EYS: variants seen among roughly 807,000 people sequenced by gnomAD.
EYS encodes the protein EGF-like photoreceptor maintenance factor.
In EYS, 250 loss-of-function variants were observed where a neutral mutation model predicts 282.1. That is an observed-to-expected ratio of 0.89 (90% CI 0.80 to 0.98). EYS has a LOEUF of 0.98. Ranked by LOEUF, EYS falls within the 50% of genes least tolerant of loss-of-function variation. The pLI is 0.00. For synonymous variants in EYS, 1,355 were observed against 1,282.9 expected (o/e 1.06, Z -1.20); for missense variants, 4,016 against 3,709.0 (o/e 1.08, Z -2.15).
chr6:65,530,137 C>A (rs1483790667), intron 2 of EYS, among the ~76,000 whole-genome samples: 3 of 152,008 alleles, frequency 2.0e-5, no homozygotes, highest in Non-Finnish European at 4.4e-5. Flanking sequence ...TATAAAGAAA[C>A]TAAGATTAAT....
Position 64,626,121 on chromosome 6 carries a change from C to A in EYS, c.3568G>T (p.Gly1190Ter). 6.6e-7 allele frequency: 1 copy of A among 1,522,758 alleles called. No homozygotes were observed. The highest frequency in any genetic ancestry group is 2.0e-5 in the Admixed American group (1 of 49,506). 94.3% of individuals were successfully genotyped at this position (1,522,758 alleles called of 1,614,324 possible). A position where few individuals can be genotyped will look rare whatever the true frequency, so the allele number is the denominator to read the frequency against. The change falls in exon 23 of 43, where the codon GGA becomes TGA. Residue 1190 changes from glycine to a stop codon, truncating the protein, a stop_gained and splice_region_variant. Coordinates refer to ENST00000503581, the MANE Select transcript of EYS (RefSeq NM_001142800.2). LOFTEE classifies it high-confidence loss of function. ...INGYVCKCQP[G>*]WSGHHCENEL... ...TGCTTATTATTTTTAAAATAATTAC[C>A]TGGTTGGCATTTGCAAACATATCCA...
intron 8 of EYS, among the ~76,000 whole-genome samples, chr6:65,372,801 A>G (rs1004617515): frequency 6.6e-5 from 10 of 152,062 alleles, no homozygotes; most frequent in African/African-American, 2.4e-4. Flanking sequence ...AAATAGAGAA[A>G]TTTAACTCAT....
intron 5 of EYS, among the ~76,000 whole-genome samples, chr6:65,485,224 G>A (rs1390622361): frequency 6.6e-6 from 1 of 152,160 alleles, no homozygotes; most frequent in Non-Finnish European, 1.5e-5. Flanking sequence ...ATTACTGACT[G>A]TATACAAACC....
intron 12 of EYS, among the ~76,000 whole-genome samples, chr6:65,192,239 T>G: frequency 6.6e-6 from 1 of 151,216 alleles, no homozygotes; most frequent in East Asian, 2.0e-4. Flanking sequence ...TGGATAGCAT[T>G]TCCCAGGATA....
intron 22 of EYS, among the ~76,000 whole-genome samples, chr6:64,632,499 A>G (rs1467061449): frequency 2.0e-5 from 3 of 152,106 alleles, no homozygotes; most frequent in African/African-American, 7.2e-5. Flanking sequence ...ATAAGAAACT[A>G]TAGTTCTGAG....
chr6:64,447,747 T>C (rs1040260678), intron 26 of EYS, among the ~76,000 whole-genome samples: 1 of 152,224 alleles, frequency 6.6e-6, no homozygotes, highest in Admixed American at 6.5e-5. Flanking sequence ...TGGCAGATTA[T>C]ATGAAAATAG....
chr6:65,243,429 C>T (rs1362698140), intron 12 of EYS, among the ~76,000 whole-genome samples: 1 of 152,060 alleles, frequency 6.6e-6, no homozygotes, highest in African/African-American at 2.4e-5. Context: ...GGTGAAGGAA[C>T]TTCTTTGCTT....
chr6:65,664,549 G>A (rs1391386378), intron 1 of EYS, among the ~76,000 whole-genome samples: 2 of 152,128 alleles, frequency 1.3e-5, no homozygotes, highest in African/African-American at 4.8e-5. Context: ...TAATTTGATA[G>A]AGAAAAGAAG....
intron 30 of EYS, among the ~76,000 whole-genome samples, chr6:64,279,406 T>C (rs1768227022): frequency 6.9e-6 from 1 of 144,614 alleles, no homozygotes; most frequent in Non-Finnish European, 1.5e-5. Context: ...AGAAAATTTA[T>C]AGTCAGGGTT....
At chr6:64,920,453 T>TTGA (rs1485026921) in intron 15 of EYS, among the ~76,000 whole-genome samples, 2 of 152,144 alleles carry the variant, frequency 1.3e-5, no homozygotes, top group African/African-American at 4.8e-5. Flanking sequence ...AAGCGGAAAA[T>TTGA]TGATGATGAA....
At chr6:64,837,119 GTTA>G (rs1765404891) in intron 19 of EYS, among the ~76,000 whole-genome samples, 1 of 151,542 alleles carries the variant, frequency 6.6e-6, no homozygotes, top group South Asian at 2.1e-4. Flanking sequence ...ATAAAAAATT[GTTA>G]TTGTTCACTT....
chr6:65,686,829 G>C (rs1393783662), intron 1 of EYS, among the ~76,000 whole-genome samples: 4 of 152,122 alleles, frequency 2.6e-5, no homozygotes, highest in African/African-American at 9.6e-5. Flanking sequence ...AATACCTGAA[G>C]CTGGGTATTG....
intron 13 of EYS, among the ~76,000 whole-genome samples, chr6:65,006,458 A>T (rs1428653339): frequency 7.5e-6 from 1 of 133,928 alleles, no homozygotes; most frequent in Non-Finnish European, 1.5e-5. Flanking sequence ...TTTTAGAGGA[A>T]ACCTCGTTGT....
intron 19 of EYS, among the ~76,000 whole-genome samples, chr6:64,841,791 T>A (rs1765571029): frequency 6.6e-6 from 1 of 152,138 alleles, no homozygotes; most frequent in East Asian, 1.9e-4. Flanking sequence ...AAGAAAACTG[T>A]GAATCAGGGA....
intron 2 of EYS, among the ~76,000 whole-genome samples, chr6:65,609,141 G>A (rs1765905242): frequency 1.3e-5 from 2 of 151,986 alleles, no homozygotes; most frequent in Admixed American, 1.3e-4. Context: ...TGGCAGAGCA[G>A]TAGGTTTGTT....
intron 26 of EYS, among the ~76,000 whole-genome samples, chr6:64,579,849 A>C (rs1379083128): frequency 1.3e-5 from 2 of 152,086 alleles, no homozygotes; most frequent in African/African-American, 4.8e-5. Context: ...ACTTTGAAAT[A>C]AGCTATGATC....
intron 26 of EYS, among the ~76,000 whole-genome samples, chr6:64,584,174 T>C (rs1313452709): frequency 4.6e-5 from 7 of 152,014 alleles, no homozygotes; most frequent in South Asian, 2.1e-4. Flanking sequence ...ATAAAAAGTA[T>C]ATAGTAATAT....
intron 35 of EYS, among the ~76,000 whole-genome samples, chr6:63,916,312 G>A (rs1455383743): frequency 3.9e-5 from 6 of 152,180 alleles, no homozygotes; most frequent in African/African-American, 1.2e-4. Context: ...ACTTCTCTCC[G>A]AAGTGGCTGC....
chr6:64,103,443 G>A (rs2150260532), intron 31 of EYS, among the ~76,000 whole-genome samples: 1 of 152,248 alleles, frequency 6.6e-6, no homozygotes, highest in South Asian at 2.1e-4. Flanking sequence ...AACTACTTCA[G>A]GCAGCATATA....
Sources: gnomAD v4.1 joint callset for allele counts (sites outside exome capture counted in the v4.1 genomes callset) on GRCh38, gnomAD v4.1.1 for gene constraint, MANE v1.5 for transcripts, NCBI Gene and HGNC (gene_info 2026-07-23, HGNC 2026-07-21) for gene names.